Variants in PRMT2 observed in about 807,000 individuals in gnomAD.
The protein encoded by PRMT2 is protein arginine N-methyltransferase 2.
In PRMT2, 26 loss-of-function variants were observed where a neutral mutation model predicts 57.6. That is an observed-to-expected ratio of 0.45 (90% CI 0.33 to 0.63). The LOEUF (loss-of-function observed/expected upper bound fraction) is 0.63, where lower values mean the gene tolerates loss of function less well. Among genes scored for constraint, PRMT2 ranks in the 20% least tolerant of loss-of-function variants. The pLI, the probability that PRMT2 is intolerant of heterozygous loss-of-function variation, is 0.02. For missense variants in PRMT2, 472 were observed against 564.4 expected (o/e 0.84, Z 1.66); for synonymous variants, 219 against 220.0 (o/e 1.00, Z 0.04).
chr21:46,664,316 A>G lies in PRMT2; in HGVS notation c.1291A>G (p.Ile431Val), dbSNP rs901094269. ...SQKVGEKVFPIWR is the reference protein window; with the variant it reads ...SQKVGEKVFPVWR ...TCAGGTTGGAGAAAAAGTCTTCCCCATCTGGAGATGACAGTTGATGCTTTA... is the reference window on the plus strand; with the variant it reads ...TCAGGTTGGAGAAAAAGTCTTCCCCGTCTGGAGATGACAGTTGATGCTTTA... Residue 431 changes from isoleucine to valine, a missense_variant, in exon 12 of 12, where the codon ATC becomes GTC. Coordinates refer to ENST00000355680, the MANE Select transcript of PRMT2 (RefSeq NM_206962.4). 3 of 1,614,066 alleles carry G rather than the reference A, an allele frequency of 1.9e-6. No individual in the cohort carries two copies. The highest frequency in any genetic ancestry group is 2.7e-5 in the African/African-American group (2 of 75,042).
intron 5 of PRMT2, among the ~76,000 whole-genome samples, chr21:46,645,358 T>C (rs1205572907): frequency 3.4e-3 from 2 of 584 alleles, no homozygotes; most frequent in Non-Finnish European, 7.9e-3. Flanking sequence ...CACAGGACTT[T>C]GGGAAGCTGA....
At position 46,653,828 on chromosome 21, in the gene PRMT2, G is replaced by A. The variant is rs1372987472; in HGVS notation, c.654+4089G>A. ...ATTGCCACCACATGCTTGAAGGACCGCTTATGGCTACACTTAGACATCTCC... is the reference window on the plus strand; with the variant it reads ...ATTGCCACCACATGCTTGAAGGACCACTTATGGCTACACTTAGACATCTCC... On this transcript the variant is annotated intron_variant, in intron 7 of 11. Coordinates refer to ENST00000355680, the MANE Select transcript of PRMT2 (RefSeq NM_206962.4). 9.6e-6 allele frequency: 10 copies of A among 1,044,430 alleles called. No individual in the cohort carries two copies. The South Asian group carries it at 1.2e-4, about 13-fold the overall frequency. The allele number at this position is 1,044,430 out of a possible 1,614,324, so 64.7% of individuals were successfully genotyped here.
chr21:46,664,523 G>C lies in PRMT2; in HGVS notation c.*196G>C. On this transcript the variant is annotated 3_prime_UTR_variant, in exon 12 of 12. Transcript: ENST00000355680. Reference sequence around the variant, plus strand: ...ACGCTTGGGCTCGGCAGGAGCTGCCGTGGCCACCCCCGCTGCCCAGTGTCT... The same window carrying C: ...ACGCTTGGGCTCGGCAGGAGCTGCCCTGGCCACCCCCGCTGCCCAGTGTCT... The C allele has an allele frequency of 1.5e-6, 1 of 672,536 alleles. No homozygotes were observed. Among genetic ancestry groups the C allele is most frequent in the Non-Finnish European group, 2.6e-6 (1 of 382,928 alleles). 41.7% of individuals were successfully genotyped at this position (672,536 alleles called of 1,614,324 possible).
At chr21:46,640,224 T>C (rs1265978027) in intron 3 of PRMT2, among the ~76,000 whole-genome samples, 1 of 152,198 alleles carries the variant, frequency 6.6e-6, no homozygotes, top group Non-Finnish European at 1.5e-5. Flanking sequence ...TAAATTATCA[T>C]TATTGCTTTA....
At chr21:46,650,460 T>C (rs2061432695) in intron 7 of PRMT2, among the ~76,000 whole-genome samples, 1 of 152,174 alleles carries the variant, frequency 6.6e-6, no homozygotes, top group African/African-American at 2.4e-5. Context: ...ACAGATGGCA[T>C]TGGGCTTTTA....
At position 46,649,039 on chromosome 21, in the gene PRMT2, G is replaced by A. The variant is rs556197738; in HGVS notation, c.489+420G>A. ...GCCCCCTCCCCACCCCTCTTAGGCC[G>A]TCTATACTGTGCTGAGCTGAGCCGA... On this transcript the variant is annotated intron_variant, in intron 6 of 11. Transcript: ENST00000355680. This position sits in a 1 kb window ranked among gnomAD's most constrained non-coding sequence, Gnocchi z 4.8. Among the ~76,000 whole-genome samples the A allele has an allele frequency of 4.6e-5, 7 of 152,224 alleles. No homozygotes were observed. In the South Asian group the frequency reaches 6.2e-4, roughly 14 times the overall value.
At chr21:46,660,364 C>G (rs1283609874) in intron 8 of PRMT2, among the ~76,000 whole-genome samples, 1 of 152,178 alleles carries the variant, frequency 6.6e-6, no homozygotes, top group Non-Finnish European at 1.5e-5. Flanking sequence ...CCTTCTAGTT[C>G]CTTTCGTTTA....
At chr21:46,661,454 G>T (rs531911213) in intron 9 of PRMT2, 2 of 179,806 alleles carry the variant, frequency 1.1e-5, no homozygotes, top group Non-Finnish European at 2.3e-5. Context: ...GAGATGGGGC[G>T]GGCGCGGTGG....
At position 46,660,940 on chromosome 21, in the gene PRMT2, C is replaced by A; in HGVS notation, c.938C>A (p.Thr313Asn). ...ACTATATTGCAGTTGGACATGAGAA[C>A]CGTGCAAATTTCTGATCTAGAGGTG... ...PCTILQLDMR[T>N]VQISDLETLR... The change falls in exon 9 of 12, where the codon ACC (threonine) becomes AAC (asparagine). Residue 313 changes from threonine (T) to asparagine (N), a missense_variant. Physicochemically the swap from Thr to Asn is moderately conservative, Grantham distance 65. Around this residue, in one of 2 missense-constraint regions of PRMT2, gnomAD observed 229 missense variants for 217.2 expected, o/e 1.05. Transcript: ENST00000355680. 1 of 1,613,158 alleles carries A rather than the reference C, an allele frequency of 6.2e-7. No individual in the cohort carries two copies. The highest frequency in any genetic ancestry group is 8.5e-7 in the Non-Finnish European group (1 of 1,179,446).
chr21:46,645,697 T>C (rs938955225), intron 5 of PRMT2, among the ~76,000 whole-genome samples: 3 of 152,038 alleles, frequency 2.0e-5, no homozygotes. Context: ...AGAGGCCATA[T>C]TAGAAGGTTT....
Position 46,648,639 on chromosome 21 carries a change from C to T in PRMT2, c.489+20C>T. Reference sequence around the variant, plus strand: ...AGAGCGGTGAGTGGGGTCTCGAGCGCATCCCGGGTGTTTGTGCCGAGGCTG... The same window carrying T: ...AGAGCGGTGAGTGGGGTCTCGAGCGTATCCCGGGTGTTTGTGCCGAGGCTG... On this transcript the variant is annotated intron_variant, in intron 6 of 11. Coordinates refer to ENST00000355680, the MANE Select transcript of PRMT2 (RefSeq NM_206962.4). The surrounding 1 kb of genome is among the most constrained non-coding windows in gnomAD (Gnocchi z 4.8). The T allele has an allele frequency of 6.2e-7, 1 of 1,606,514 alleles. No individual in the cohort carries two copies. The highest frequency in any genetic ancestry group is 1.1e-5 in the South Asian group (1 of 90,938).
intron 3 of PRMT2, 31 bp from the exon 4 acceptor site, chr21:46,643,504 C>T (rs370698216): frequency 6.8e-7 from 1 of 1,462,586 alleles, no homozygotes; most frequent in South Asian, 1.5e-5. Flanking sequence ...CTCCAGCGTC[C>T]TCTCCTCACG....
intron 8 of PRMT2, chr21:46,659,827 CTG>C: frequency 1.0e-6 from 1 of 985,360 alleles, no homozygotes; most frequent in African/African-American, 1.7e-5. Flanking sequence ...TGGAGCACTG[CTG>C]TGTGTCTGTT....
chr21:46,639,528 T>C (rs896433264), intron 3 of PRMT2, among the ~76,000 whole-genome samples: 4 of 152,200 alleles, frequency 2.6e-5, no homozygotes, highest in African/African-American at 7.2e-5. Context: ...TGGGTGTATA[T>C]ATTTAGTATA....
At chr21:46,659,220 T>C (rs901548010) in intron 8 of PRMT2, 2 of 1,130,374 alleles carry the variant, frequency 1.8e-6, no homozygotes, top group African/African-American at 3.2e-5. Context: ...AGCAGTTGAT[T>C]AGCCCTTGTT....
intron 7 of PRMT2, chr21:46,652,506 T>C: frequency 1.0e-6 from 1 of 985,422 alleles, no homozygotes; most frequent in Non-Finnish European, 1.2e-6. Context: ...TGAACGTTGT[T>C]CAATGCCACC....
intron 3 of PRMT2, among the ~76,000 whole-genome samples, chr21:46,637,787 GTGTA>G (rs2061200973): frequency 6.6e-6 from 1 of 151,500 alleles, no homozygotes; most frequent in South Asian, 2.1e-4. Context: ...GTGTGTGTGT[GTGTA>G]TATATATATG....
chr21:46,664,461 G>A lies in PRMT2; in HGVS notation c.*134G>A. The A allele has an allele frequency of 2.5e-6, 3 of 1,186,362 alleles. No homozygotes were observed. The highest frequency in any genetic ancestry group is 3.7e-6 in the Non-Finnish European group (3 of 809,584). The allele number at this position is 1,186,362 out of a possible 1,614,324, so 73.5% of individuals were successfully genotyped here. ...TTCACTCCACATTGACCCCTCCCTA[G>A]CCTGGCAGGTGACGTCAGGGTCCTT... On this transcript the variant is annotated 3_prime_UTR_variant, in exon 12 of 12. Coordinates refer to ENST00000355680, the MANE Select transcript of PRMT2 (RefSeq NM_206962.4).
chr21:46,637,201 G>A (rs1601909110), intron 3 of PRMT2, among the ~76,000 whole-genome samples: 1 of 152,270 alleles, frequency 6.6e-6, no homozygotes, highest in East Asian at 1.9e-4. Flanking sequence ...ACAATTCTAA[G>A]GAAATACTTA....
Sources: gnomAD v4.1 joint callset for allele counts (sites outside exome capture counted in the v4.1 genomes callset) on GRCh38, gnomAD v4.1.1 for gene constraint, gnomAD v4.1.1 regional missense constraint, Gnocchi (gnomAD v3.1) non-coding constraint, MANE v1.5 for transcripts, NCBI Gene and HGNC (gene_info 2026-07-23, HGNC 2026-07-21) for gene names.